Variants in RUFY2 observed in about 807,000 individuals in gnomAD.
RUFY2 encodes the protein RUN and FYVE domain containing 2.
RUFY2 carries 49 observed loss-of-function variants against 94.4 expected under a neutral mutation model. That is an observed-to-expected ratio of 0.52 (90% CI 0.41 to 0.66). The LOEUF (loss-of-function observed/expected upper bound fraction) is 0.66. RUFY2 is among the 30% of genes least tolerant of loss of function. RUFY2 has a pLI of 0.00. For missense variants in RUFY2, 541 were observed against 692.8 expected (o/e 0.78, Z 2.46); for synonymous variants, 255 against 235.7 (o/e 1.08, Z -0.75).
intron 15 of RUFY2, among the ~76,000 whole-genome samples, chr10:68,362,702 G>A (rs922474716): frequency 2.0e-5 from 3 of 151,916 alleles, no homozygotes; most frequent in African/African-American, 4.8e-5. Context: ...AGGTGAAAGG[G>A]TTGCTTGAGC....
At position 68,384,083 on chromosome 10, in the gene RUFY2, A is replaced by G; in HGVS notation, c.790T>C (p.Leu264=). Residue 264 remains leucine, a synonymous_variant, in exon 9 of 18, where the codon TTG becomes CTG. Coordinates refer to ENST00000602465, the MANE Select transcript of RUFY2 (RefSeq NM_001330103.2). ...TGCTGCTGTGTTTTCATTAAAATCA[A>G]TTTATTTTCACTTCGTAATTGATGA... ...ENHQLRSENK[L]ILMKTQQHLE... 6.2e-7 allele frequency: 1 copy of G among 1,613,106 alleles called. No individual in the cohort carries two copies. Among genetic ancestry groups the G allele is most frequent in the East Asian group, 2.2e-5 (1 of 44,842 alleles).
chr10:68,372,019 G>T (rs1030075999), intron 13 of RUFY2, among the ~76,000 whole-genome samples: 1 of 152,158 alleles, frequency 6.6e-6, no homozygotes, highest in African/African-American at 2.4e-5. Flanking sequence ...AGCTGAGCAT[G>T]GTGGCTCACA....
chr10:68,355,913 CAA>C (rs368423105), intron 15 of RUFY2, among the ~76,000 whole-genome samples: 18 of 76,676 alleles, frequency 2.3e-4, no homozygotes, highest in Admixed American at 3.2e-4. Flanking sequence ...GACTCCATCT[CAA>C]AAAAAAAAAA....
intron 16 of RUFY2, among the ~76,000 whole-genome samples, chr10:68,352,927 A>C (rs1478747703): frequency 6.6e-6 from 1 of 151,846 alleles, no homozygotes; most frequent in East Asian, 1.9e-4. Context: ...CTCAAAAAAA[A>C]AAGAGGGGGC....
intron 16 of RUFY2, 26 bp downstream of exon 16, chr10:68,355,327 C>T: frequency 1.3e-6 from 2 of 1,572,882 alleles, no homozygotes; most frequent in Non-Finnish European, 1.7e-6. Flanking sequence ...ACATACCTTC[C>T]CACTTTAGGA....
chr10:68,405,323 A>AAAG, intron 1 of RUFY2: 1 of 320,608 alleles, frequency 3.1e-6, no homozygotes, highest in African/African-American at 2.3e-5. Context: ...CAAAAAAAAA[A>AAAG]AAAAGAAAAA....
chr10:68,365,904 T>A (rs1484342750), intron 13 of RUFY2, among the ~76,000 whole-genome samples: 1 of 152,158 alleles, frequency 6.6e-6, no homozygotes, highest in Non-Finnish European at 1.5e-5. Flanking sequence ...AGTACCCTGT[T>A]GAATGGCCTC....
chr10:68,381,200 T>C, intron 11 of RUFY2, 32 bp downstream of exon 11: 2 of 1,526,216 alleles, frequency 1.3e-6, no homozygotes, highest in South Asian at 2.5e-5. Context: ...ACTTTCAATT[T>C]ACATAAAATG....
At chr10:68,377,102 A>G (rs2048730470) in intron 12 of RUFY2, 130 bp from the exon 13 acceptor site, 1 of 1,517,686 alleles carries the variant, frequency 6.6e-7, no homozygotes, top group Middle Eastern at 1.7e-4. Flanking sequence ...TTGGGGGAAA[A>G]CTCACAAACT....
chr10:68,346,337 T>C (rs2046272482), intron 16 of RUFY2: 1 of 356,470 alleles, frequency 2.8e-6, no homozygotes, highest in African/African-American at 2.2e-5. Flanking sequence ...ACACCGGTAA[T>C]TCCAGCTACT....
At chr10:68,341,621 C>T (rs2045950877), downstream of RUFY2, 3 of 1,613,320 alleles carry the variant, frequency 1.9e-6, no homozygotes, top group African/African-American at 2.7e-5. Flanking sequence ...AATTCTACTC[C>T]TGGAGGCGGC....
intron 16 of RUFY2, among the ~76,000 whole-genome samples, chr10:68,352,328 G>T (rs1205546682): frequency 6.6e-6 from 1 of 152,056 alleles, no homozygotes; most frequent in Non-Finnish European, 1.5e-5. Context: ...TGAAAGATGT[G>T]TTGCCGAAAA....
intron 2 of RUFY2, among the ~76,000 whole-genome samples, chr10:68,404,088 A>G (rs1022040831): frequency 2.0e-5 from 3 of 152,250 alleles, no homozygotes; most frequent in Non-Finnish European, 2.9e-5. Context: ...AACAGTTATT[A>G]TAAGTAAAAG....
chr10:68,367,737 CCTCT>C (rs1165274393), intron 13 of RUFY2, among the ~76,000 whole-genome samples: 63 of 140,160 alleles, frequency 4.5e-4, no homozygotes, highest in East Asian at 8.5e-4. Context: ...TCCCTCCCTC[CCTCT>C]CTCTCTCTCT....
At chr10:68,359,405 TATAA>T (rs1488408225) in intron 15 of RUFY2, among the ~76,000 whole-genome samples, 46 of 148,036 alleles carry the variant, frequency 3.1e-4, no homozygotes, top group African/African-American at 9.6e-4. Flanking sequence ...TATATACATA[TATAA>T]ATATGTGTGT....
chr10:68,382,328 T>A (rs1285813382), intron 10 of RUFY2, among the ~76,000 whole-genome samples: 2 of 151,484 alleles, frequency 1.3e-5, no homozygotes, highest in African/African-American at 4.8e-5. Flanking sequence ...AGTGCTGGGA[T>A]TACAGGCGTG....
At chr10:68,347,378 A>G (rs2046360735) in intron 16 of RUFY2, among the ~76,000 whole-genome samples, 1 of 139,296 alleles carries the variant, frequency 7.2e-6, no homozygotes, top group African/African-American at 2.7e-5. Context: ...TCCGTCTCCC[A>G]GGTTCAAGTG....
chr10:68,392,798 C>G (rs895446926), intron 7 of RUFY2, among the ~76,000 whole-genome samples: 2 of 150,570 alleles, frequency 1.3e-5, no homozygotes, highest in Non-Finnish European at 3.0e-5. Context: ...TGTGGTGGTG[C>G]GCGCCTATAG....
At chr10:68,354,356 T>C (rs1442468900) in intron 16 of RUFY2, among the ~76,000 whole-genome samples, 1 of 152,026 alleles carries the variant, frequency 6.6e-6, no homozygotes, top group African/African-American at 2.4e-5. Flanking sequence ...TTTTCTTATT[T>C]TTTAGTAGAA....
Sources: allele counts gnomAD v4.1 joint callset (sites outside exome capture counted in the v4.1 genomes callset), GRCh38; gene constraint gnomAD v4.1.1; transcripts MANE v1.5; gene names NCBI Gene and HGNC (gene_info 2026-07-23, HGNC 2026-07-21).